TTC39A: variants seen among roughly 807,000 people sequenced by gnomAD.
TTC39A encodes tetratricopeptide repeat domain 39A.
In TTC39A, 46 loss-of-function variants were observed where a neutral mutation model predicts 82.3. That is an observed-to-expected ratio of 0.56 (90% CI 0.44 to 0.71). The LOEUF is 0.71. Among genes scored for constraint, TTC39A ranks in the 30% least tolerant of loss-of-function variants. TTC39A has a pLI of 0.00. For synonymous variants in TTC39A, 254 were observed against 275.2 expected (o/e 0.92, Z 0.76); for missense variants, 543 against 712.9 (o/e 0.76, Z 2.71).
chr1:51,330,138 G>C lies in TTC39A; in HGVS notation c.41+299C>G. 1.0e-6 allele frequency: 1 copy of C among 985,526 alleles called. No homozygotes were observed. Among genetic ancestry groups the C allele is most frequent in the Non-Finnish European group, 1.2e-6 (1 of 830,000 alleles). 61.0% of individuals were successfully genotyped at this position (985,526 alleles called of 1,614,324 possible). ...CAGGGCCCACCCCACAGGAGTGAAC[G>C]CCACGAGGCAGGTGGGGAAGGCTGC... On this transcript the variant is annotated intron_variant, in intron 1 of 17. Transcript: ENST00000680483. The surrounding 1 kb of genome is among the most constrained non-coding windows in gnomAD (Gnocchi z 4.5).
chr1:51,330,737 G>C, upstream of TTC39A: 2 of 624,462 alleles, frequency 3.2e-6, no homozygotes, highest in Non-Finnish European at 4.2e-6. This position sits in a 1 kb window ranked among gnomAD's most constrained non-coding sequence, Gnocchi z 4.5. Flanking sequence ...CGACAGGTGA[G>C]AGCCCGGCGC....
At chr1:51,303,011 C>A in intron 9 of TTC39A, 73 bp downstream of exon 9, 1 of 1,343,938 alleles carries the variant, frequency 7.4e-7, no homozygotes, top group Non-Finnish European at 1.0e-6. Flanking sequence ...TGAACAGGGT[C>A]TGTAGCCCCT....
chr1:51,334,973 T>G (rs1007935027), upstream of TTC39A: 19 of 152,336 alleles, frequency 1.2e-4, no homozygotes, highest in Admixed American at 1.0e-3. Flanking sequence ...CATCATCATT[T>G]CTGCCTCCCC....
chr1:51,320,907 C>G (rs1645492518), intron 2 of TTC39A, among the ~76,000 whole-genome samples: 1 of 139,178 alleles, frequency 7.2e-6, no homozygotes, highest in Non-Finnish European at 1.5e-5. Context: ...GAGTCTTGCT[C>G]TGTCACCCAA....
intron 1 of TTC39A, among the ~76,000 whole-genome samples, chr1:51,326,140 A>G (rs1472036319): frequency 6.6e-6 from 1 of 152,172 alleles, no homozygotes; most frequent in Non-Finnish European, 1.5e-5. Context: ...ACAGATGCAG[A>G]CAGGGCAGTG....
At chr1:51,324,265 G>C (rs949605701) in intron 1 of TTC39A, among the ~76,000 whole-genome samples, 3 of 152,102 alleles carry the variant, frequency 2.0e-5, no homozygotes, top group African/African-American at 2.4e-5. Context: ...GCCCTTGGAG[G>C]GTCCCAGATT....
Position 51,290,055 on chromosome 1 carries a change from G to A in TTC39A, c.1443C>T (p.Tyr481=). The A allele has an allele frequency of 1.2e-6, 2 of 1,613,986 alleles. No homozygotes were observed. Among genetic ancestry groups the A allele is most frequent in the Non-Finnish European group, 1.7e-6 (2 of 1,179,868 alleles). The change falls in exon 16 of 18, where the codon TAC becomes TAT. Residue 481 remains tyrosine, a synonymous_variant. Transcript: ENST00000680483. ...CCTCGGCCTCCTGGACACGGCCCAG[G>A]TATTTCAGACACAGGCCTTTCAACA... ...VKLLKGLCLK[Y]LGRVQEAEEN...
intron 1 of TTC39A, among the ~76,000 whole-genome samples, chr1:51,336,443 T>C (rs2148319678): frequency 6.6e-6 from 1 of 152,182 alleles, no homozygotes; most frequent in East Asian, 1.9e-4. Flanking sequence ...GGGTCTCTGT[T>C]CTAGGATCTG....
chr1:51,317,952 C>T (rs1645354962), intron 2 of TTC39A, among the ~76,000 whole-genome samples: 1 of 152,122 alleles, frequency 6.6e-6, no homozygotes, highest in Non-Finnish European at 1.5e-5. Flanking sequence ...TGTTAGAATG[C>T]CCTCCTGAGG....
At position 51,290,580 on chromosome 1, in the gene TTC39A, G is replaced by C; in HGVS notation, c.1312C>G (p.Pro438Ala). The C allele has an allele frequency of 1.2e-6, 2 of 1,613,928 alleles. No homozygotes were observed. Among genetic ancestry groups the C allele is most frequent in the Admixed American group, 1.7e-5 (1 of 60,022 alleles). The part of the protein sequence containing the change: ...WNGYAVIGKQ[P>A]KLTDGILEII... ...TCAAGTATCCCATCCGTGAGTTTCG[G>C]CTGCTTCCCAATCACGGCGTAGCCG... Residue 438 changes from proline (P) to alanine (A), a missense_variant, in exon 15 of 18, where the codon CCG becomes GCG. By Grantham distance (27) the Pro-to-Ala change is conservative (BLOSUM62 -1). Coordinates refer to ENST00000680483, the MANE Select transcript of TTC39A (RefSeq NM_001297663.2).
chr1:51,312,249 T>C, intron 3 of TTC39A, 54 bp from the exon 4 acceptor site: 1 of 1,462,580 alleles, frequency 6.8e-7, no homozygotes, highest in South Asian at 1.2e-5. Context: ...GCCACACTTG[T>C]CTCTGCCCCT....
intron 2 of TTC39A, among the ~76,000 whole-genome samples, chr1:51,313,422 T>C (rs1489266304): frequency 6.6e-6 from 1 of 152,090 alleles, no homozygotes; most frequent in Non-Finnish European, 1.5e-5. Flanking sequence ...ACTAGTCACC[T>C]GCTGCCTCTT....
At chr1:51,302,004 A>G in intron 11 of TTC39A, 1 of 674,706 alleles carries the variant, frequency 1.5e-6, no homozygotes, top group South Asian at 1.6e-5. Context: ...GGAGAGAGCT[A>G]TAATGGAGGG....
chr1:51,291,132 G>A (rs1435800700), intron 14 of TTC39A, among the ~76,000 whole-genome samples: 1 of 152,160 alleles, frequency 6.6e-6, no homozygotes, highest in Non-Finnish European at 1.5e-5. Context: ...TACCATCATT[G>A]AGACTCTTAA....
In TTC39A at chr1:51,302,340, G is replaced by C. The variant is rs77243719; in HGVS notation, c.891+17C>G. The C allele has an allele frequency of 6.3e-7, 1 of 1,584,806 alleles. No individual in the cohort carries two copies. The highest frequency in any genetic ancestry group is 1.1e-5 in the South Asian group (1 of 87,082). ...CCCGAGGGATCCCCAGCCCCGGCCC[G>C]GACCCCCATCACTCACTGCATCAAT... On this transcript the variant is annotated intron_variant, in intron 11 of 17. Coordinates refer to ENST00000680483, the MANE Select transcript of TTC39A (RefSeq NM_001297663.2).
intron 8 of TTC39A, among the ~76,000 whole-genome samples, chr1:51,304,217 T>A (rs1301102484): frequency 6.6e-6 from 1 of 152,220 alleles, no homozygotes; most frequent in Non-Finnish European, 1.5e-5. Flanking sequence ...TTTTTATGAT[T>A]ATGTTCTTAT....
chr1:51,313,038 G>A lies in TTC39A; in HGVS notation c.147-95C>T, dbSNP rs907167909. On this transcript the variant is annotated intron_variant, in intron 2 of 17. Coordinates refer to ENST00000680483, the MANE Select transcript of TTC39A (RefSeq NM_001297663.2). ...CATCTCCACCCTCCTCCATTCTGCAGTGAGGTGAGGGGACCAGAGGTCCAG... is the reference window on the plus strand; with the variant it reads ...CATCTCCACCCTCCTCCATTCTGCAATGAGGTGAGGGGACCAGAGGTCCAG... 1.6e-5 allele frequency: 24 copies of A among 1,517,254 alleles called. No homozygotes were observed. In the Admixed American group the frequency reaches 4.3e-4, roughly 27 times the overall value. The allele number at this position is 1,517,254 out of a possible 1,614,324, so 94.0% of individuals were successfully genotyped here.
chr1:51,288,986 T>C lies in TTC39A; in HGVS notation c.1494-31A>G, dbSNP rs767001836. On this transcript the variant is annotated intron_variant, in intron 16 of 17. Transcript: ENST00000680483. The surrounding 1 kb of genome is among the most constrained non-coding windows in gnomAD (Gnocchi z 4.8). ...GAACAGAGGACATGGCTCAGGTTCCTCCTCCTGAGCCTCTCCCAAACTGCA... is the reference window on the plus strand; with the variant it reads ...GAACAGAGGACATGGCTCAGGTTCCCCCTCCTGAGCCTCTCCCAAACTGCA... The C allele has an allele frequency of 5.8e-6, 9 of 1,546,422 alleles. No homozygotes were observed. The highest frequency in any genetic ancestry group is 7.9e-6 in the Non-Finnish European group (9 of 1,137,620).
intron 11 of TTC39A, 150 bp from the exon 12 acceptor site, chr1:51,301,883 CAGG>C: frequency 9.0e-7 from 1 of 1,112,886 alleles, no homozygotes; most frequent in Non-Finnish European, 1.3e-6. Flanking sequence ...CCCCAGGAGC[CAGG>C]AGATCTGGCC....
Sources: allele counts gnomAD v4.1 joint callset (sites outside exome capture counted in the v4.1 genomes callset), GRCh38; gene constraint gnomAD v4.1.1; non-coding constraint Gnocchi (gnomAD v3.1); transcripts MANE v1.5; gene names NCBI Gene and HGNC (gene_info 2026-07-23, HGNC 2026-07-21).